The following HPSE2 variants were observed in gnomAD, a reference collection of about 807,000 sequenced individuals.
The protein encoded by HPSE2 is inactive heparanase-2.
HPSE2 carries 38 observed loss-of-function variants against 60.5 expected under a neutral mutation model. The observed-to-expected ratio is 0.63, with a 90% CI of 0.48 to 0.82. The LOEUF is 0.82. Among genes scored for constraint, HPSE2 ranks in the 40% least tolerant of loss-of-function variants. HPSE2 has a pLI of 0.00. For missense variants in HPSE2, 713 were observed against 740.4 expected, an observed-to-expected ratio of 0.96 and a Z score of 0.43; for synonymous variants, 295 against 293.2, an observed-to-expected ratio of 1.01 and a Z score of -0.06.
At chr10:98,832,434 T>G (rs1951703071) in intron 3 of HPSE2, among the ~76,000 whole-genome samples, 1 of 152,166 alleles carries the variant, frequency 6.6e-6, no homozygotes, top group South Asian at 2.1e-4. Context: ...AGAGTTCAAA[T>G]GACAACAATG....
At chr10:98,873,276 C>T (rs1172564227) in intron 3 of HPSE2, among the ~76,000 whole-genome samples, 5 of 151,884 alleles carry the variant, frequency 3.3e-5, no homozygotes, top group Non-Finnish European at 7.4e-5. Context: ...ATATGCAGAA[C>T]ATGCAGGTTT....
At chr10:98,801,250 T>A (rs1263800013) in intron 3 of HPSE2, among the ~76,000 whole-genome samples, 1 of 152,092 alleles carries the variant, frequency 6.6e-6, no homozygotes, top group African/African-American at 2.4e-5. Flanking sequence ...ACGGCTAGTA[T>A]CATACTGTAC....
rs1203865708 is a variant in HPSE2 at position 98,543,741 on chromosome 10, C to T, written c.1321-53545G>A. 5.3e-4 allele frequency among the ~76,000 whole-genome samples: 80 copies of T among 152,180 alleles called. 1 individual carries two copies. The highest frequency in any genetic ancestry group is 1.8e-3 in the African/African-American group (75 of 41,506). On this transcript the variant is annotated intron_variant, in intron 9 of 11. Transcript: ENST00000370552. ...TCAAAAGAGACAAAGAAGGCCATTA[C>T]ATAATGGTAAAGGGATCAATTCAAC...
rs1431493844 is a variant in HPSE2, at chr10:98,544,003, C to G, written c.1321-53807G>C. Among the ~76,000 whole-genome samples the G allele has an allele frequency of 3.1e-4, 46 of 149,766 alleles. 1 individual carries two copies. The highest frequency in any genetic ancestry group is 1.5e-5 in the Non-Finnish European group (1 of 66,958). ...ACCTAATAGACATCTACAGAACTCT[C>G]CACCCCAAATCAACAGAATATACAT... On this transcript the variant is annotated intron_variant, in intron 9 of 11. Coordinates refer to ENST00000370552, the MANE Select transcript of HPSE2 (RefSeq NM_021828.5).
At chr10:99,128,856 T>TA (rs1845268458) in intron 3 of HPSE2, among the ~76,000 whole-genome samples, 1 of 152,108 alleles carries the variant, frequency 6.6e-6, no homozygotes, top group South Asian at 2.1e-4. Context: ...TTAATTTCAT[T>TA]TTTTAAAAAA....
At chr10:98,756,636 C>A (rs1195123248) in intron 3 of HPSE2, among the ~76,000 whole-genome samples, 3 of 152,076 alleles carry the variant, frequency 2.0e-5, no homozygotes, top group African/African-American at 7.2e-5. Flanking sequence ...AATTGAAACC[C>A]TGAACAGACC....
intron 4 of HPSE2, among the ~76,000 whole-genome samples, chr10:98,736,710 T>A (rs1949366743): frequency 6.6e-6 from 1 of 152,202 alleles, no homozygotes; most frequent in Non-Finnish European, 1.5e-5. Flanking sequence ...AGTTTAATAG[T>A]TTAATAGTTT....
At chr10:99,263,106 T>C in the HPSE2 span, among the ~76,000 whole-genome samples, 1 of 152,198 alleles carries the variant, frequency 6.6e-6, no homozygotes, top group Non-Finnish European at 1.5e-5. Context: ...CCCATGACTG[T>C]ATCTCTCTGA....
intron 7 of HPSE2, among the ~76,000 whole-genome samples, chr10:98,640,597 C>G (rs960621594): frequency 6.6e-6 from 1 of 152,102 alleles, no homozygotes; most frequent in Non-Finnish European, 1.5e-5. Flanking sequence ...TATAAATGAG[C>G]TATTCATTTG....
intron 3 of HPSE2, among the ~76,000 whole-genome samples, chr10:98,794,531 C>T (rs1223836487): frequency 6.6e-6 from 1 of 152,184 alleles, no homozygotes; most frequent in African/African-American, 2.4e-5. Context: ...AGGCATGAGC[C>T]ACTGCACCTG....
At chr10:99,057,407 T>G (rs995518782) in intron 3 of HPSE2, among the ~76,000 whole-genome samples, 1 of 152,020 alleles carries the variant, frequency 6.6e-6, no homozygotes, top group African/African-American at 2.4e-5. Context: ...CTCTACAGAT[T>G]AGGAAAGGTA....
At chr10:98,670,942 T>G (rs923137001) in intron 6 of HPSE2, among the ~76,000 whole-genome samples, 10 of 152,190 alleles carry the variant, frequency 6.6e-5, no homozygotes, top group African/African-American at 2.4e-4. Context: ...ATAAAGCCCT[T>G]CCTTCTACAA....
intron 3 of HPSE2, among the ~76,000 whole-genome samples, chr10:98,899,370 A>G (rs979225443): frequency 2.0e-5 from 3 of 152,240 alleles, no homozygotes; most frequent in African/African-American, 7.2e-5. Context: ...AGAGAATGAA[A>G]TAACAAGTAA....
rs571063136 is a variant in HPSE2 at position 98,706,391 on chromosome 10, A to G, written c.957-12444T>C. Among the ~76,000 whole-genome samples, 4 of 152,290 alleles carry G rather than the reference A, an allele frequency of 2.6e-5. No individual in the cohort carries two copies. In the East Asian group the frequency reaches 7.7e-4, roughly 29 times the overall value. On this transcript the variant is annotated intron_variant, in intron 5 of 11. Transcript: ENST00000370552. ...GCCCTTCAATGCTTATTGTAAGACA[A>G]TGTGCTGGATGCAGGTATCAGAAGA...
Position 98,727,258 on chromosome 10 carries a change from A to G in HPSE2, c.785-5430T>C, listed in dbSNP as rs186470904. Among the ~76,000 whole-genome samples, 565 of 152,292 alleles carry G rather than the reference A, an allele frequency of 3.7e-3. 5 individuals carry two copies. Among genetic ancestry groups the G allele is most frequent in the African/African-American group, 0.013 (541 of 41,574 alleles). Reference sequence around the variant, plus strand: ...AAGCTATTATACATGAAAAAAATAGAAAAGTTTGACTCATACCAGCAAAAA... The same window carrying G: ...AAGCTATTATACATGAAAAAAATAGGAAAGTTTGACTCATACCAGCAAAAA... On this transcript the variant is annotated intron_variant, in intron 4 of 11. Coordinates refer to ENST00000370552, the MANE Select transcript of HPSE2 (RefSeq NM_021828.5).
At chr10:98,805,329 A>T (rs370556454) in intron 3 of HPSE2, among the ~76,000 whole-genome samples, 3 of 152,212 alleles carry the variant, frequency 2.0e-5, no homozygotes, top group African/African-American at 4.8e-5. Flanking sequence ...CAAAAAATAG[A>T]AAGAATGAAT....
chr10:99,076,836 T>A (rs1025896874), intron 3 of HPSE2, among the ~76,000 whole-genome samples: 13 of 152,242 alleles, frequency 8.5e-5, no homozygotes, highest in Non-Finnish European at 2.9e-5. Flanking sequence ...TGTATTACTG[T>A]TAGGTGTCCT....
chr10:98,735,597 C>T (rs1015750329), intron 4 of HPSE2, among the ~76,000 whole-genome samples: 1 of 152,004 alleles, frequency 6.6e-6, no homozygotes, highest in African/African-American at 2.4e-5. Context: ...TGGGGCTGTA[C>T]TCTGTAAAGC....
chr10:99,154,748 A>T (rs1393316732), intron 2 of HPSE2, among the ~76,000 whole-genome samples: 1 of 151,558 alleles, frequency 6.6e-6, no homozygotes, highest in Non-Finnish European at 1.5e-5. Context: ...ATTCACACAT[A>T]ACAATATTAA....
Sources: allele counts gnomAD v4.1 joint callset (sites outside exome capture counted in the v4.1 genomes callset), GRCh38; gene constraint gnomAD v4.1.1; transcripts MANE v1.5; gene names NCBI Gene and HGNC (gene_info 2026-07-23, HGNC 2026-07-21).